Variants in POTED observed in about 807,000 individuals in gnomAD.
POTED encodes the protein POTE ankyrin domain family member D.
In POTED, 7 loss-of-function variants were observed where a neutral mutation model predicts 19.0. The observed-to-expected ratio is 0.37, with a 90% CI of 0.21 to 0.69. The LOEUF (loss-of-function observed/expected upper bound fraction) is 0.69. POTED is among the 30% of genes least tolerant of loss of function. The pLI is 0.56. For synonymous variants in POTED, 16 were observed against 92.0 expected (o/e 0.17, Z 4.73); for missense variants, 54 against 278.5 (o/e 0.19, Z 5.74).
At chr21:13,627,465 AG>A (rs772280694) in intron 6 of POTED, among the ~76,000 whole-genome samples, 3 of 98,976 alleles carry the variant, frequency 3.0e-5, no homozygotes, top group Admixed American at 9.3e-5. Context: ...AAAAAAAAAA[AG>A]AAAAATGAAT....
intron 1 of POTED, among the ~76,000 whole-genome samples, chr21:13,612,848 A>G (rs3843031): frequency 5.1e-5 from 4 of 78,608 alleles, no homozygotes; most frequent in Admixed American, 4.3e-4. Context: ...TCGGCATGCA[A>G]AGATGTACTT....
Position 13,645,306 on chromosome 21 carries a change from G to A in POTED, c.*3740G>A, listed in dbSNP as rs1444592744. 2.3e-4 allele frequency among the ~76,000 whole-genome samples: 31 copies of A among 134,564 alleles called. 5 individuals carry two copies. The highest frequency in any genetic ancestry group is 6.5e-4 in the Admixed American group (9 of 13,858). 88.3% of individuals were successfully genotyped at this position (134,564 alleles called of 152,430 possible). On this transcript the variant is annotated 3_prime_UTR_variant, in exon 11 of 11. Coordinates refer to ENST00000299443, the MANE Select transcript of POTED (RefSeq NM_174981.6). ...ACACATAATCGTCAGATTTTCTGAG[G>A]TCAAAATAAAAGAAAAAATGTTAAA...
rs1461554655 is a variant in POTED, at chr21:13,637,542, A to C, written c.1410-1973A>C. 4.8e-5 allele frequency among the ~76,000 whole-genome samples: 3 copies of C among 62,660 alleles called. 1 individual carries two copies. Among genetic ancestry groups the C allele is most frequent in the Non-Finnish European group, 8.0e-5 (3 of 37,368 alleles). The allele number at this position is 62,660 out of a possible 152,430, so 41.1% of individuals were successfully genotyped here. ...TGGACATTAATCCTTTGTTAGATTC[A>C]TAATTTGCCCATATTTTCCCCATTG... On this transcript the variant is annotated intron_variant, in intron 9 of 10. Coordinates refer to ENST00000299443, the MANE Select transcript of POTED (RefSeq NM_174981.6).
Position 13,631,576 on chromosome 21 carries a change from T to C in POTED, c.1409+469T>C, listed in dbSNP as rs867295301. ...GTTCTCATTGTTTAGTTCCCACTAA[T>C]GAGTAAGAATATGTGGCATTTGATT... On this transcript the variant is annotated intron_variant, in intron 9 of 10. Transcript: ENST00000299443. 9.0e-4 allele frequency among the ~76,000 whole-genome samples: 52 copies of C among 57,838 alleles called. 11 individuals are homozygous for C. Among genetic ancestry groups the C allele is most frequent in the Admixed American group, 3.7e-3 (23 of 6,234 alleles). 37.9% of individuals were successfully genotyped at this position (57,838 alleles called of 152,430 possible). A position where few individuals can be genotyped will look rare whatever the true frequency, so the allele number is the denominator to read the frequency against.
rs1319912594 is a variant in POTED at position 13,619,325 on chromosome 21, C to T, written c.918-833C>T. On this transcript the variant is annotated intron_variant, in intron 4 of 10. Transcript: ENST00000299443. ...GGGAGATATACCTAATGCTAGATGA[C>T]GAGTTAGTGGGTGCAGCGCACCAGC... is the stretch of plus-strand genomic sequence containing the variant. Among the ~76,000 whole-genome samples, 8 of 59,174 alleles carry T rather than the reference C, an allele frequency of 1.4e-4. 2 individuals are homozygous for T. Among genetic ancestry groups the T allele is most frequent in the Admixed American group, 7.5e-4 (5 of 6,684 alleles). 38.8% of individuals were successfully genotyped at this position (59,174 alleles called of 152,430 possible).
Position 13,630,888 on chromosome 21 carries a change from T to C in POTED, c.1243-53T>C, listed in dbSNP as rs374137772. On this transcript the variant is annotated intron_variant, in intron 8 of 10. Coordinates refer to ENST00000299443, the MANE Select transcript of POTED (RefSeq NM_174981.6). ...AATTGATAAAATCAATTAAAAAGGT[T>C]ATTTTTATTCAATAAAGTGATAACC... 1.3e-5 allele frequency: 3 copies of C among 229,702 alleles called. No homozygotes were observed. In the East Asian group the frequency reaches 4.3e-4, roughly 33 times the overall value. The allele number at this position is 229,702 out of a possible 1,614,324, so 14.2% of individuals were successfully genotyped here.
Position 13,645,046 on chromosome 21 carries a change from GA to G in POTED, c.*3486del, listed in dbSNP as rs1258876828. 9.6e-6 allele frequency among the ~76,000 whole-genome samples: 1 copy of G among 104,076 alleles called. No homozygotes were observed. The highest frequency in any genetic ancestry group is 2.6e-4 in the East Asian group (1 of 3,776). 68.3% of individuals were successfully genotyped at this position (104,076 alleles called of 152,430 possible). A position where few individuals can be genotyped will look rare whatever the true frequency, so the allele number is the denominator to read the frequency against. On this transcript the variant is annotated 3_prime_UTR_variant, in exon 11 of 11. Transcript: ENST00000299443. ...ATAAAACAGGCAAACAAGAATGGGG[GA>G]AAAAAGAATGAAAGGGAATGAACAA...
rs1240424558 is a variant in POTED at position 13,642,537 on chromosome 21, C to T, written c.*971C>T. ...GAGACCAGGGGCTGAAGTGAACCCC[C>T]CGCACAGCATAGCCACTCTACAAAA... On this transcript the variant is annotated 3_prime_UTR_variant, in exon 11 of 11. Coordinates refer to ENST00000299443, the MANE Select transcript of POTED (RefSeq NM_174981.6). Among the ~76,000 whole-genome samples the T allele has an allele frequency of 1.5e-4, 12 of 80,284 alleles. 5 individuals are homozygous for T. Among genetic ancestry groups the T allele is most frequent in the Non-Finnish European group, 2.2e-4 (10 of 45,220 alleles). The allele number at this position is 80,284 out of a possible 152,430, so 52.7% of individuals were successfully genotyped here. A position where few individuals can be genotyped will look rare whatever the true frequency, so the allele number is the denominator to read the frequency against.
Position 13,610,751 on chromosome 21 carries a change from T to A in POTED, c.521+2T>A. ...GAACAAGAGGGACAAGGAAAAGAGGTAACCGGGCCTGGGATGGGAGGAGGC... is the reference window on the plus strand; with the variant it reads ...GAACAAGAGGGACAAGGAAAAGAGGAAACCGGGCCTGGGATGGGAGGAGGC... On this transcript the variant is annotated splice_donor_variant, in intron 1 of 10. Transcript: ENST00000299443. LOFTEE classifies it high-confidence loss of function. The A allele has an allele frequency of 9.3e-7, 1 of 1,073,370 alleles. No individual in the cohort carries two copies. Among genetic ancestry groups the A allele is most frequent in the South Asian group, 1.6e-5 (1 of 62,806 alleles). 66.5% of individuals were successfully genotyped at this position (1,073,370 alleles called of 1,614,324 possible). A position where few individuals can be genotyped will look rare whatever the true frequency, so the allele number is the denominator to read the frequency against.
At chr21:13,640,552 T>G (rs62211842) in intron 10 of POTED, among the ~76,000 whole-genome samples, 863 of 66,486 alleles carry the variant, frequency 0.013, 314 homozygotes, top group African/African-American at 0.086. Flanking sequence ...GTGTGTGTGT[T>G]TGTGTGTGTG....
At position 13,645,291 on chromosome 21, in the gene POTED, G is replaced by T. The variant is rs2334603; in HGVS notation, c.*3725G>T. The stretch of plus-strand genomic sequence containing the variant: ...AAGATCATCCCCAAGACACATAATC[G>T]TCAGATTTTCTGAGGTCAAAATAAA... On this transcript the variant is annotated 3_prime_UTR_variant, in exon 11 of 11. Coordinates refer to ENST00000299443, the MANE Select transcript of POTED (RefSeq NM_174981.6). 7.4e-6 allele frequency among the ~76,000 whole-genome samples: 1 copy of T among 135,150 alleles called. No homozygotes were observed. Among genetic ancestry groups the T allele is most frequent in the South Asian group, 2.2e-4 (1 of 4,472 alleles). 88.7% of individuals were successfully genotyped at this position (135,150 alleles called of 152,430 possible).
Position 13,611,137 on chromosome 21 carries a change from A to T in POTED, c.521+388A>T, listed in dbSNP as rs1216885992. Among the ~76,000 whole-genome samples, 3 of 79,332 alleles carry T rather than the reference A, an allele frequency of 3.8e-5. 1 individual carries two copies. The highest frequency in any genetic ancestry group is 6.6e-5 in the Non-Finnish European group (3 of 45,354). The allele number at this position is 79,332 out of a possible 152,430, so 52.0% of individuals were successfully genotyped here. A position where few individuals can be genotyped will look rare whatever the true frequency, so the allele number is the denominator to read the frequency against. ...TTCTGGGCTAAATATCTTTCAAATA[A>T]AATCCAATATGGATTTTATATCGAT... On this transcript the variant is annotated intron_variant, in intron 1 of 10. Coordinates refer to ENST00000299443, the MANE Select transcript of POTED (RefSeq NM_174981.6).
In POTED at chr21:13,629,700, T is replaced by G. The variant is rs2011202461; in HGVS notation, c.1198-156T>G. On this transcript the variant is annotated intron_variant, in intron 7 of 10. Transcript: ENST00000299443. ...TTCTTAATTTTAATTATTTATTTATTTAATTATTTTAACAGTTAAATTTTA... is the reference window on the plus strand; with the variant it reads ...TTCTTAATTTTAATTATTTATTTATGTAATTATTTTAACAGTTAAATTTTA... Among the ~76,000 whole-genome samples the G allele has an allele frequency of 1.9e-5, 2 of 104,058 alleles. 1 individual carries two copies. The highest frequency in any genetic ancestry group is 6.0e-4 in the South Asian group (2 of 3,328). 68.3% of individuals were successfully genotyped at this position (104,058 alleles called of 152,430 possible).
rs1458509821 is a variant in POTED, at chr21:13,611,078, G to A, written c.521+329G>A. On this transcript the variant is annotated intron_variant, in intron 1 of 10. Coordinates refer to ENST00000299443, the MANE Select transcript of POTED (RefSeq NM_174981.6). The stretch of plus-strand genomic sequence containing the variant: ...AATGTTCTGTACACTATAGAAAGGT[G>A]TATATTGAGAACTAAGTCCCATAAT... Among the ~76,000 whole-genome samples, 47 of 79,364 alleles carry A rather than the reference G, an allele frequency of 5.9e-4. 11 individuals carry two copies. The highest frequency in any genetic ancestry group is 4.9e-3 in the Admixed American group (47 of 9,570). The allele number at this position is 79,364 out of a possible 152,430, so 52.1% of individuals were successfully genotyped here. A position where few individuals can be genotyped will look rare whatever the true frequency, so the allele number is the denominator to read the frequency against.
chr21:13,632,362 A>AT (rs1426904325), intron 9 of POTED, among the ~76,000 whole-genome samples: 1 of 34,452 alleles, frequency 2.9e-5, no homozygotes, highest in Non-Finnish European at 4.4e-5. Context: ...ATATATATTT[A>AT]TTTTTTTTGA....
At chr21:13,626,135 T>A (rs1194098471) in intron 6 of POTED, among the ~76,000 whole-genome samples, 1 of 36,178 alleles carries the variant, frequency 2.8e-5, no homozygotes, top group Non-Finnish European at 4.3e-5. Context: ...TTGTATAGGC[T>A]AGCATTTAAC....
At position 13,645,228 on chromosome 21, in the gene POTED, C is replaced by G. The variant is rs1164983571; in HGVS notation, c.*3662C>G. On this transcript the variant is annotated 3_prime_UTR_variant, in exon 11 of 11. Transcript: ENST00000299443. ...AGCCAGACAGGCCAACATTCAACTTCAGGAAATCCAGAGAACCTCAGTAAG... is the reference window on the plus strand; with the variant it reads ...AGCCAGACAGGCCAACATTCAACTTGAGGAAATCCAGAGAACCTCAGTAAG... 1.5e-5 allele frequency among the ~76,000 whole-genome samples: 2 copies of G among 133,340 alleles called. 1 individual carries two copies. The highest frequency in any genetic ancestry group is 3.2e-5 in the Non-Finnish European group (2 of 61,738). The allele number at this position is 133,340 out of a possible 152,430, so 87.5% of individuals were successfully genotyped here. A position where few individuals can be genotyped will look rare whatever the true frequency, so the allele number is the denominator to read the frequency against.
At position 13,612,526 on chromosome 21, in the gene POTED, C is replaced by A. The variant is rs2849136; in HGVS notation, c.521+1777C>A. On this transcript the variant is annotated intron_variant, in intron 1 of 10. Coordinates refer to ENST00000299443, the MANE Select transcript of POTED (RefSeq NM_174981.6). ...ATATAAAGGAATGAAATACTGTTTT[C>A]TGTCCACAAAGTTTGTGAGGGTGAA... is the stretch of plus-strand genomic sequence containing the variant. 3.7e-5 allele frequency among the ~76,000 whole-genome samples: 3 copies of A among 81,950 alleles called. 1 individual carries two copies. Among genetic ancestry groups the A allele is most frequent in the Non-Finnish European group, 6.5e-5 (3 of 45,924 alleles). 53.8% of individuals were successfully genotyped at this position (81,950 alleles called of 152,430 possible).
At chr21:13,624,014 T>G (rs183181709) in intron 6 of POTED, among the ~76,000 whole-genome samples, 3,066 of 98,672 alleles carry the variant, frequency 0.031, 981 homozygotes, top group Admixed American at 0.25. Context: ...CTTTCTATGT[T>G]TTCACTTGTC....
Sources: allele counts gnomAD v4.1 joint callset (sites outside exome capture counted in the v4.1 genomes callset), GRCh38; gene constraint gnomAD v4.1.1; transcripts MANE v1.5; gene names NCBI Gene and HGNC (gene_info 2026-07-23, HGNC 2026-07-21).